Variants in S100A13 observed in about 807,000 individuals in gnomAD.
S100A13 encodes S100 calcium binding protein A13.
Under a neutral mutation model 8.2 loss-of-function variants are expected in S100A13, and 6 were observed. The observed-to-expected ratio is 0.73, with a 90% CI of 0.40 to 1.44. The LOEUF (loss-of-function observed/expected upper bound fraction) is 1.44. Among genes scored for constraint, S100A13 ranks in the 40% most tolerant of loss-of-function variants. The pLI is 0.02. For synonymous variants in S100A13, 39 were observed against 45.9 expected (o/e 0.85, Z 0.61); for missense variants, 114 against 113.6 (o/e 1.00, Z -0.02).
At chr1:153,629,872 G>C (rs977087777), upstream of S100A13, 2 of 152,732 alleles carry the variant, frequency 1.3e-5, no homozygotes, top group African/African-American at 4.8e-5. Flanking sequence ...GACATGTTCA[G>C]GAGAGAACAG....
At chr1:153,623,354 A>T (rs1667397027) in intron 2 of S100A13, among the ~76,000 whole-genome samples, 1 of 151,740 alleles carries the variant, frequency 6.6e-6, no homozygotes, top group South Asian at 2.1e-4. Flanking sequence ...GGGAGCACAT[A>T]CAAGTTTCCT....
At chr1:153,623,245 AG>A (rs1304955172) in intron 2 of S100A13, among the ~76,000 whole-genome samples, 1 of 152,180 alleles carries the variant, frequency 6.6e-6, no homozygotes, top group African/African-American at 2.4e-5. Flanking sequence ...ACTGGAGTGC[AG>A]TGGGTGAGAG....
chr1:153,619,146 G>T, intron 2 of S100A13, 108 bp from the exon 3 acceptor site: 2 of 1,008,612 alleles, frequency 2.0e-6, no homozygotes, highest in South Asian at 1.6e-5. Context: ...CCCTCAGAGA[G>T]CAGTGGCACC....
At chr1:153,619,469 C>G (rs1288004503) in intron 2 of S100A13, among the ~76,000 whole-genome samples, 3 of 152,234 alleles carry the variant, frequency 2.0e-5, no homozygotes, top group Non-Finnish European at 4.4e-5. Context: ...CCACCCTCCT[C>G]TTTCTCAGAA....
At chr1:153,619,986 T>G (rs1251532269) in intron 2 of S100A13, among the ~76,000 whole-genome samples, 1 of 152,044 alleles carries the variant, frequency 6.6e-6, no homozygotes, top group Non-Finnish European at 1.5e-5. Flanking sequence ...AATAAATAAG[T>G]ATTAAGAAAG....
chr1:153,622,309 T>G (rs1055117831), intron 2 of S100A13, among the ~76,000 whole-genome samples: 7 of 152,284 alleles, frequency 4.6e-5, no homozygotes, highest in Non-Finnish European at 2.9e-5. Context: ...AGGCAGAGGT[T>G]GCAGTGACCC....
In S100A13 at chr1:153,626,314, G is replaced by A. The variant is rs1379248625; in HGVS notation, c.153+6C>T. 1 of 1,613,476 alleles carries A rather than the reference G, an allele frequency of 6.2e-7. No individual in the cohort carries two copies. The highest frequency in any genetic ancestry group is 8.5e-7 in the Non-Finnish European group (1 of 1,179,456). On this transcript the variant is annotated splice_donor_region_variant and intron_variant, in intron 2 of 2. Transcript: ENST00000476133. ...CACAAAATCTCAGTCCCAGACTTCT[G>A]CCTACCTTGAGCAGATGGGGCAACT...
At chr1:153,631,883 C>T (rs753654639), upstream of S100A13, 26 of 1,599,804 alleles carry the variant, frequency 1.6e-5, no homozygotes, top group Non-Finnish European at 2.2e-5. Flanking sequence ...CTCCACCCTC[C>T]CAGACCTGCC....
upstream of S100A13, chr1:153,630,643 A>C: frequency 6.2e-7 from 1 of 1,614,204 alleles, no homozygotes; most frequent in Non-Finnish European, 8.5e-7. Flanking sequence ...CTGCAGACGG[A>C]GCTCTCTGGC....
upstream of S100A13, chr1:153,630,805 C>T (rs1667969596): frequency 1.8e-6 from 2 of 1,128,598 alleles, no homozygotes; most frequent in Non-Finnish European, 1.2e-6. Context: ...CTGGGTTTTT[C>T]CAGGCTCCCC....
chr1:153,632,807 T>A (rs1278698545), upstream of S100A13, among the ~76,000 whole-genome samples: 2 of 151,686 alleles, frequency 1.3e-5, no homozygotes, highest in African/African-American at 2.4e-5. Context: ...AGAGGAAGGG[T>A]TGCAGATGTG....
At chr1:153,627,949 C>A (rs1010141403), upstream of S100A13, 3 of 1,338,424 alleles carry the variant, frequency 2.2e-6, no homozygotes, top group African/African-American at 2.9e-5. Flanking sequence ...CAGGCTGAGG[C>A]CCCACACACA....
chr1:153,630,464 C>A, upstream of S100A13: 1 of 1,601,996 alleles, frequency 6.2e-7, no homozygotes, highest in Non-Finnish European at 8.5e-7. Context: ...ACCCCAGGTA[C>A]TCCGGGCCTG....
chr1:153,627,480 C>T lies in S100A13; in HGVS notation c.-62+3G>A, dbSNP rs1457279054. 6.6e-6 allele frequency: 1 copy of T among 152,472 alleles called. No homozygotes were observed. Among genetic ancestry groups the T allele is most frequent in the Non-Finnish European group, 1.5e-5 (1 of 68,248 alleles). The allele number at this position is 152,472 out of a possible 1,614,324, so 9.4% of individuals were successfully genotyped here. A position where few individuals can be genotyped will look rare whatever the true frequency, so the allele number is the denominator to read the frequency against. On this transcript the variant is annotated splice_donor_region_variant and intron_variant, in intron 1 of 2. Transcript: ENST00000476133. ...TCCCTCCAGGGTCAGCCATGAGACTCACCCGGCAAGGAGATGGGGTAGAGT... is the reference window on the plus strand; with the variant it reads ...TCCCTCCAGGGTCAGCCATGAGACTTACCCGGCAAGGAGATGGGGTAGAGT...
upstream of S100A13, chr1:153,632,888 G>A (rs1046603976): frequency 2.0e-5 from 3 of 152,196 alleles, no homozygotes; most frequent in East Asian, 1.9e-4. Flanking sequence ...CCCTTATTGA[G>A]GCCGGGCACA....
upstream of S100A13, chr1:153,630,233 G>A: frequency 6.2e-6 from 3 of 484,952 alleles, no homozygotes; most frequent in Non-Finnish European, 1.1e-5. Context: ...CAGGCCTCTG[G>A]AGCCAGCCCA....
At chr1:153,634,285 C>T, upstream of S100A13, 1 of 153,042 alleles carries the variant, frequency 6.5e-6, no homozygotes, top group Non-Finnish European at 1.5e-5. Context: ...CGGTCCCCGG[C>T]CCGCCTGCCG....
At chr1:153,630,498 G>C (rs758887571), upstream of S100A13, 33 of 1,613,136 alleles carry the variant, frequency 2.0e-5, no homozygotes, top group South Asian at 3.1e-4. Flanking sequence ...TTCCATGATG[G>C]GGGTGGGTAG....
Position 153,618,843 on chromosome 1 carries a change from T to C in S100A13, c.*52A>G. 1 of 1,576,286 alleles carries C rather than the reference T, an allele frequency of 6.3e-7. No individual in the cohort carries two copies. Among genetic ancestry groups the C allele is most frequent in the Non-Finnish European group, 8.7e-7 (1 of 1,153,842 alleles). On this transcript the variant is annotated 3_prime_UTR_variant, in exon 3 of 3. Transcript: ENST00000476133. ...GCTTTATTTGGGAAGAGTGCGGTTC[T>C]GCTCGGCCCTGATCAGCTCTGCCCT...
Sources: allele counts gnomAD v4.1 joint callset (sites outside exome capture counted in the v4.1 genomes callset), GRCh38; gene constraint gnomAD v4.1.1; transcripts MANE v1.5; gene names NCBI Gene and HGNC (gene_info 2026-07-23, HGNC 2026-07-21).